ZRANB3: variants seen among roughly 807,000 people sequenced by gnomAD.
ZRANB3 encodes DNA annealing helicase and endonuclease ZRANB3.
In ZRANB3, 125 loss-of-function variants were observed where a neutral mutation model predicts 133.8. The ratio of observed to expected loss-of-function variants is 0.93; its 90% confidence interval spans 0.81 to 1.08. The LOEUF is 1.08. Among genes scored for constraint, ZRANB3 ranks in the 50% least tolerant of loss-of-function variants. The pLI, the probability that ZRANB3 is intolerant of heterozygous loss-of-function variation, is 0.00. For missense variants in ZRANB3, 1,229 were observed against 1,275.5 expected (o/e 0.96, Z 0.56); for synonymous variants, 387 against 432.7 (o/e 0.89, Z 1.31).
At chr2:135,522,237 C>T (rs1180717875) in intron 1 of ZRANB3, among the ~76,000 whole-genome samples, 1 of 152,198 alleles carries the variant, frequency 6.6e-6, no homozygotes, top group Admixed American at 6.5e-5. Flanking sequence ...AGTTCTCCTT[C>T]ACTGATTAAT....
chr2:135,240,266 C>T (rs1332791786), intron 12 of ZRANB3, among the ~76,000 whole-genome samples: 1 of 152,122 alleles, frequency 6.6e-6, no homozygotes, highest in East Asian at 1.9e-4. Context: ...TTGCTTGAGT[C>T]CAGGAGTCCC....
At chr2:135,277,162 T>C (rs975379728) in intron 8 of ZRANB3, among the ~76,000 whole-genome samples, 2 of 152,132 alleles carry the variant, frequency 1.3e-5, no homozygotes, top group Non-Finnish European at 2.9e-5. Context: ...CTTTCCCCTA[T>C]ACTTCCCAAA....
At chr2:135,359,753 G>GT (rs1212261409) in intron 3 of ZRANB3, among the ~76,000 whole-genome samples, 4 of 152,086 alleles carry the variant, frequency 2.6e-5, no homozygotes, top group African/African-American at 7.2e-5. Context: ...ATCTTTCCTG[G>GT]TAAGAACCCC....
At chr2:135,221,476 G>A (rs1694551666) in intron 15 of ZRANB3, among the ~76,000 whole-genome samples, 2 of 152,156 alleles carry the variant, frequency 1.3e-5, no homozygotes, top group African/African-American at 4.8e-5. Context: ...AGTTCTCTCC[G>A]TCTCCACCCC....
chr2:135,348,629 C>T (rs1421344563), intron 5 of ZRANB3, among the ~76,000 whole-genome samples: 1 of 152,200 alleles, frequency 6.6e-6, no homozygotes, highest in Non-Finnish European at 1.5e-5. Context: ...GAGTCTCACT[C>T]TGTCACCCAG....
At chr2:135,239,760 G>A (rs1008832341) in intron 12 of ZRANB3, among the ~76,000 whole-genome samples, 8 of 151,676 alleles carry the variant, frequency 5.3e-5, no homozygotes, top group African/African-American at 1.2e-4. Flanking sequence ...AAGCTGAGGC[G>A]GGTGGATCAC....
intron 8 of ZRANB3, among the ~76,000 whole-genome samples, chr2:135,282,559 A>G (rs545718499): frequency 4.6e-5 from 7 of 152,332 alleles, no homozygotes; most frequent in African/African-American, 1.7e-4. Context: ...TGAACTATCA[A>G]AAGTATTATT....
At chr2:135,329,418 A>G (rs1398523531) in intron 6 of ZRANB3, among the ~76,000 whole-genome samples, 9 of 152,144 alleles carry the variant, frequency 5.9e-5, no homozygotes. Context: ...ATTGCTCAAT[A>G]TATCTGTTTT....
chr2:135,470,801 TTTC>T (rs1691227685), intron 2 of ZRANB3, among the ~76,000 whole-genome samples: 2 of 150,672 alleles, frequency 1.3e-5, no homozygotes, highest in African/African-American at 2.5e-5. Flanking sequence ...ACGAAATTTC[TTTC>T]TTTTTTTTTT....
rs192320043 is a variant in ZRANB3, at chr2:135,241,203, C to T, written c.1540-10276G>A. ...TCCTATTAGTAGAATGTTAGACTTA[C>T]ACATTTATGTCTTACCTTTTACTGT... On this transcript the variant is annotated intron_variant, in intron 12 of 20. Transcript: ENST00000264159. Among the ~76,000 whole-genome samples the T allele has an allele frequency of 1.6e-3, 241 of 152,142 alleles. 3 individuals are homozygous for T. Among genetic ancestry groups the T allele is most frequent in the Non-Finnish European group, 8.8e-5 (6 of 68,000 alleles).
chr2:135,344,003 C>T (rs1684811470), intron 6 of ZRANB3, among the ~76,000 whole-genome samples: 1 of 152,176 alleles, frequency 6.6e-6, no homozygotes, highest in Non-Finnish European at 1.5e-5. Flanking sequence ...TTTAAACTAG[C>T]AATTTCACTT....
intron 19 of ZRANB3, 113 bp from the exon 20 acceptor site, chr2:135,203,076 C>A: frequency 1.6e-6 from 2 of 1,281,024 alleles, no homozygotes; most frequent in Non-Finnish European, 1.1e-6. Context: ...GGGAAAAATA[C>A]ATCAGGAGAG....
chr2:135,395,442 C>CT (rs533900626), intron 2 of ZRANB3, among the ~76,000 whole-genome samples: 25,567 of 135,950 alleles, frequency 0.19, 3,546 homozygotes, highest in African/African-American at 0.39. Context: ...GCAAAGATTT[C>CT]TTTTTTTTTT....
chr2:135,434,930 G>A (rs1389976384), intron 2 of ZRANB3, among the ~76,000 whole-genome samples: 3 of 151,908 alleles, frequency 2.0e-5, no homozygotes, highest in African/African-American at 7.3e-5. Context: ...AAGATACACA[G>A]AAAAGAAAAC....
chr2:135,376,758 G>A (rs1686447998), intron 3 of ZRANB3, among the ~76,000 whole-genome samples: 1 of 152,164 alleles, frequency 6.6e-6, no homozygotes, highest in Non-Finnish European at 1.5e-5. Context: ...ATACTATAAT[G>A]ATGAATACAA....
intron 2 of ZRANB3, among the ~76,000 whole-genome samples, chr2:135,403,099 A>G (rs1687816976): frequency 1.3e-5 from 2 of 152,094 alleles, no homozygotes; most frequent in Non-Finnish European, 2.9e-5. Context: ...AGTGTCGGAA[A>G]GTGGGTGCAG....
At chr2:135,265,386 T>C (rs1680182240) in intron 12 of ZRANB3, 148 bp downstream of exon 12, 2 of 739,416 alleles carry the variant, frequency 2.7e-6, no homozygotes, top group Non-Finnish European at 4.0e-6. Flanking sequence ...ACAATATTAA[T>C]TTTTGGCTCT....
At chr2:135,498,065 T>TAATAAATAAATA (rs146727358) in intron 2 of ZRANB3, among the ~76,000 whole-genome samples, 3 of 149,464 alleles carry the variant, frequency 2.0e-5, no homozygotes, top group African/African-American at 7.4e-5. Flanking sequence ...AAATAATAAA[T>TAATAAATAAATA]AATAAATAAA....
chr2:135,501,046 G>A (rs895796030), intron 2 of ZRANB3, among the ~76,000 whole-genome samples: 4 of 151,970 alleles, frequency 2.6e-5, no homozygotes, highest in Non-Finnish European at 4.4e-5. Context: ...GATTTAAAAC[G>A]CACAATAATC....
Sources: gnomAD v4.1 joint callset for allele counts (sites outside exome capture counted in the v4.1 genomes callset) on GRCh38, gnomAD v4.1.1 for gene constraint, MANE v1.5 for transcripts, NCBI Gene and HGNC (gene_info 2026-07-23, HGNC 2026-07-21) for gene names.